CDH13: variants seen among roughly 807,000 people sequenced by gnomAD.
The protein encoded by CDH13 is cadherin 13, also known as cadherin-13.
Under a neutral mutation model 63.8 loss-of-function variants are expected in CDH13, and 24 were observed. The ratio of observed to expected loss-of-function variants is 0.38; its 90% CI spans 0.27 to 0.53. The LOEUF is 0.53. Ranked by LOEUF, CDH13 falls within the 20% of genes least tolerant of loss-of-function variation. The pLI is 0.85. For missense variants in CDH13, 1,049 were observed against 903.1 expected (o/e 1.16, Z -2.07); for synonymous variants, 503 against 355.3 (o/e 1.42, Z -4.67).
At position 82,644,108 on chromosome 16, in the gene CDH13, T is replaced by C. The variant is rs1264586112; in HGVS notation, c.45+16971T>C. Among the ~76,000 whole-genome samples the C allele has an allele frequency of 6.6e-6, 1 of 152,132 alleles. No homozygotes were observed. The highest frequency in any genetic ancestry group is 1.5e-5 in the Non-Finnish European group (1 of 68,024). On this transcript the variant is annotated intron_variant, in intron 1 of 13. Coordinates refer to ENST00000567109, the MANE Select transcript of CDH13 (RefSeq NM_001257.5). The surrounding 1 kb of genome is among the most constrained non-coding windows in gnomAD (Gnocchi z 5.7). ...AAAGAGGAGAGAAATCTAATTGATA[T>C]GCTAATTGTCATTGTACTCAAGTTG...
At chr16:83,014,229 C>T (rs1422131829) in intron 2 of CDH13, among the ~76,000 whole-genome samples, 1 of 151,114 alleles carries the variant, frequency 6.6e-6, no homozygotes, top group Non-Finnish European at 1.5e-5. Context: ...TAATACTACA[C>T]TCTCTTCCAA....
intron 6 of CDH13, among the ~76,000 whole-genome samples, chr16:83,372,047 C>A (rs943329308): frequency 6.6e-6 from 1 of 152,210 alleles, no homozygotes; most frequent in Non-Finnish European, 1.5e-5. Context: ...CGAGATGCTT[C>A]CTGATTTGAA....
At chr16:83,125,724 T>A (rs1237450102) in intron 4 of CDH13, among the ~76,000 whole-genome samples, 1 of 152,138 alleles carries the variant, frequency 6.6e-6, no homozygotes, top group Admixed American at 6.5e-5. Context: ...GGGATCAACA[T>A]GGTAGATGAT....
chr16:82,932,144 T>C (rs2042516207), intron 2 of CDH13, among the ~76,000 whole-genome samples: 1 of 152,138 alleles, frequency 6.6e-6, no homozygotes, highest in Non-Finnish European at 1.5e-5. Flanking sequence ...ACATTAGTGG[T>C]CAAAAGCATA....
intron 4 of CDH13, among the ~76,000 whole-genome samples, chr16:83,210,074 T>C (rs1300693402): frequency 6.6e-6 from 1 of 150,830 alleles, no homozygotes; most frequent in Non-Finnish European, 1.5e-5. Flanking sequence ...GTTTTTTGTT[T>C]GTTTGTTTGA....
intron 2 of CDH13, among the ~76,000 whole-genome samples, chr16:82,888,734 C>G (rs1031084171): frequency 3.9e-5 from 6 of 152,222 alleles, no homozygotes; most frequent in African/African-American, 1.4e-4. Flanking sequence ...AGCCCTGAAA[C>G]TTGATCCATT....
At chr16:83,733,369 A>T (rs1809918587) in intron 10 of CDH13, among the ~76,000 whole-genome samples, 1 of 152,172 alleles carries the variant, frequency 6.6e-6, no homozygotes, top group Non-Finnish European at 1.5e-5. Context: ...GGGACCCTGC[A>T]GCCCTCCCGG....
chr16:83,048,513 T>C (rs1287313466), intron 3 of CDH13, among the ~76,000 whole-genome samples: 2 of 152,178 alleles, frequency 1.3e-5, no homozygotes, highest in Non-Finnish European at 2.9e-5. Context: ...ACTCTAAGGC[T>C]TTTCCATTTA....
chr16:83,577,734 G>A (rs75166877), intron 7 of CDH13, among the ~76,000 whole-genome samples: 3 of 152,118 alleles, frequency 2.0e-5, no homozygotes, highest in Admixed American at 6.5e-5. Flanking sequence ...TCGAAATCAC[G>A]TAGATGCATC....
In CDH13 at chr16:83,123,272, C is replaced by G. The variant is rs756854920; in HGVS notation, c.367-2113C>G. On this transcript the variant is annotated intron_variant, in intron 3 of 13. Transcript: ENST00000567109. ...TAGATACAAATATATATATATATATCCCACATTTTCTTTTTTTCTTTTTTG... is the reference window on the plus strand; with the variant it reads ...TAGATACAAATATATATATATATATGCCACATTTTCTTTTTTTCTTTTTTG... 4.7e-5 allele frequency among the ~76,000 whole-genome samples: 7 copies of G among 150,148 alleles called. No homozygotes were observed. The East Asian group carries it at 1.4e-3, about 29-fold the overall frequency.
At chr16:83,216,397 A>AATATATAT (rs1158270310) in intron 4 of CDH13, among the ~76,000 whole-genome samples, 25 of 16,094 alleles carry the variant, frequency 1.6e-3, no homozygotes, top group Non-Finnish European at 2.2e-3. Context: ...CCAGCATTGA[A>AATATATAT]ATATATATAT....
chr16:83,300,950 A>G (rs76032042), intron 5 of CDH13, among the ~76,000 whole-genome samples: 4,546 of 150,434 alleles, frequency 0.03, 236 homozygotes, highest in African/African-American at 0.1. Context: ...CAAGTGGCAC[A>G]TGTGTCCTGA....
chr16:83,338,090 A>G (rs1441640945), intron 5 of CDH13, among the ~76,000 whole-genome samples: 1 of 150,744 alleles, frequency 6.6e-6, no homozygotes, highest in Non-Finnish European at 1.5e-5. Flanking sequence ...TGCTGCGATG[A>G]GTATTTGTTC....
At chr16:83,513,621 G>T (rs183606567) in intron 7 of CDH13, among the ~76,000 whole-genome samples, 1 of 152,106 alleles carries the variant, frequency 6.6e-6, no homozygotes, top group Non-Finnish European at 1.5e-5. Context: ...TGAGCAATGC[G>T]CAGGGATAGC....
intron 5 of CDH13, among the ~76,000 whole-genome samples, chr16:83,238,656 G>A (rs1310509367): frequency 1.3e-5 from 2 of 152,238 alleles, no homozygotes; most frequent in East Asian, 1.9e-4. Context: ...GGATTGGCAG[G>A]GGAGATCCTG....
chr16:82,744,136 C>T (rs2034055713), intron 1 of CDH13, among the ~76,000 whole-genome samples: 1 of 152,292 alleles, frequency 6.6e-6, no homozygotes, highest in Admixed American at 6.5e-5. Flanking sequence ...GGCCCATTTC[C>T]ACCCCCTAGT....
chr16:82,723,775 G>T (rs1032416813), intron 1 of CDH13, among the ~76,000 whole-genome samples: 4 of 152,018 alleles, frequency 2.6e-5, no homozygotes, highest in Non-Finnish European at 5.9e-5. Context: ...ATAGAATTTA[G>T]CCTACCTTGA....
chr16:82,802,541 T>C (rs1697669034), intron 1 of CDH13, among the ~76,000 whole-genome samples: 1 of 152,086 alleles, frequency 6.6e-6, no homozygotes, highest in African/African-American at 2.4e-5. Context: ...CAAAAGGGAC[T>C]CTCCCTGCAG....
At chr16:83,607,198 C>A (rs1175659192) in intron 8 of CDH13, among the ~76,000 whole-genome samples, 2 of 151,950 alleles carry the variant, frequency 1.3e-5, no homozygotes, top group African/African-American at 4.8e-5. Context: ...TGGGTGGATC[C>A]CCTGAGGTCA....
Sources: allele counts gnomAD v4.1 joint callset (sites outside exome capture counted in the v4.1 genomes callset), GRCh38; gene constraint gnomAD v4.1.1; non-coding constraint Gnocchi (gnomAD v3.1); transcripts MANE v1.5; gene names NCBI Gene and HGNC (gene_info 2026-07-23, HGNC 2026-07-21).